Variants in ACAT1 observed in about 807,000 individuals in gnomAD.
The protein encoded by ACAT1 is acetyl-CoA acetyltransferase 1, also known as acetyl-CoA acetyltransferase, mitochondrial.
ACAT1 carries 28 observed loss-of-function variants against 47.3 expected under a neutral mutation model. The ratio of observed to expected loss-of-function variants is 0.59; its 90% CI spans 0.44 to 0.81. The LOEUF is 0.81. ACAT1 is among the 30% of genes least tolerant of loss of function. The pLI is 0.00. For missense variants in ACAT1, 469 were observed against 524.3 expected, an observed-to-expected ratio of 0.89 and a Z score of 1.03; for synonymous variants, 181 against 173.6, an observed-to-expected ratio of 1.04 and a Z score of -0.34.
chr11:108,146,951 A>C (rs1266548953), intron 11 of ACAT1, among the ~76,000 whole-genome samples: 2 of 152,154 alleles, frequency 1.3e-5, no homozygotes, highest in Non-Finnish European at 2.9e-5. Context: ...GTGGTGGTGC[A>C]CGCCTGTAGT....
intron 5 of ACAT1, among the ~76,000 whole-genome samples, chr11:108,137,429 CTTACATTCTAGCCAAAATGAGTCAGA>C (rs1405972364): frequency 6.6e-6 from 1 of 152,130 alleles, no homozygotes; most frequent in African/African-American, 2.4e-5. Flanking sequence ...AATGATCAGA[CTTACATTCTAGCCAAAATGAGTCAGA>C]TGAGTGTTGA....
intron 2 of ACAT1, among the ~76,000 whole-genome samples, chr11:108,132,642 C>T (rs932784064): frequency 5.3e-5 from 8 of 151,010 alleles, no homozygotes; most frequent in African/African-American, 1.9e-4. Flanking sequence ...ATCACGAGGT[C>T]AGGAGATCGA....
intron 8 of ACAT1, among the ~76,000 whole-genome samples, chr11:108,142,175 AAG>A (rs1210708625): frequency 2.0e-5 from 3 of 152,236 alleles, no homozygotes; most frequent in African/African-American, 7.2e-5. Context: ...CCTATGTTTC[AAG>A]AGTTGTAGAC....
Position 108,141,705 on chromosome 11 carries a change from G to A in ACAT1, c.826+5G>A. 6.2e-7 allele frequency: 1 copy of A among 1,605,576 alleles called. No individual in the cohort carries two copies. The highest frequency in any genetic ancestry group is 8.5e-7 in the Non-Finnish European group (1 of 1,172,730). ...CAGTTTTCCAGAAAGAAAATGGTTA[G>A]TGTTAAGAAATGAAGCATAAGAAAA... On this transcript the variant is annotated splice_donor_5th_base_variant and intron_variant, in intron 8 of 11. Coordinates refer to ENST00000265838, the MANE Select transcript of ACAT1 (RefSeq NM_000019.4).
chr11:108,128,407 G>C (rs1047606649), intron 1 of ACAT1, among the ~76,000 whole-genome samples: 1 of 152,134 alleles, frequency 6.6e-6, no homozygotes, highest in East Asian at 1.9e-4. Context: ...CCTGGCCAAC[G>C]TGGTGAAACC....
intron 5 of ACAT1, chr11:108,136,180 G>T (rs886959266): frequency 1.8e-6 from 1 of 570,498 alleles, no homozygotes; most frequent in Non-Finnish European, 3.1e-6. Flanking sequence ...TCATTTTTCA[G>T]ATGAAGATTT....
At chr11:108,136,710 G>T (rs1032539900) in intron 5 of ACAT1, 3 of 152,144 alleles carry the variant, frequency 2.0e-5, no homozygotes, top group African/African-American at 7.2e-5. Flanking sequence ...ATGAAGAATT[G>T]ATACCTTATT....
At chr11:108,120,268 CAGA>C (rs2077125470), upstream of ACAT1, among the ~76,000 whole-genome samples, 1 of 151,834 alleles carries the variant, frequency 6.6e-6, no homozygotes, top group South Asian at 2.1e-4. Context: ...AGGCCAAGGC[CAGA>C]AGATCTCTTA....
chr11:108,118,202 C>T (rs1864987355), upstream of ACAT1, among the ~76,000 whole-genome samples: 1 of 152,002 alleles, frequency 6.6e-6, no homozygotes, highest in South Asian at 2.1e-4. Context: ...ATTGCTTGGG[C>T]CCAGGAGTTG....
chr11:108,132,624 GCA>G (rs1273656972), intron 2 of ACAT1, among the ~76,000 whole-genome samples: 1 of 151,980 alleles, frequency 6.6e-6, no homozygotes, highest in Non-Finnish European at 1.5e-5. Flanking sequence ...GGAGGCCGAG[GCA>G]GGTGGATCAC....
intron 9 of ACAT1, 130 bp downstream of exon 9, chr11:108,142,680 T>G: frequency 2.7e-6 from 2 of 730,636 alleles, no homozygotes; most frequent in East Asian, 5.6e-5. Flanking sequence ...CTACAAAAAG[T>G]TAAAAAATTA....
chr11:108,134,188 A>ATGCCTTT (rs754706020), intron 3 of ACAT1, 33 bp from the exon 4 acceptor site: 4 of 1,548,054 alleles, frequency 2.6e-6, no homozygotes, highest in Non-Finnish European at 3.6e-6. Flanking sequence ...ATTGAATTAA[A>ATGCCTTT]TGCCTTTTTG....
upstream of ACAT1, chr11:108,121,157 C>T: frequency 3.9e-6 from 1 of 253,636 alleles, no homozygotes; most frequent in Non-Finnish European, 7.8e-6. Context: ...GCTGTGGTCA[C>T]GTCACTGCAC....
chr11:108,147,131 A>G lies in ACAT1; in HGVS notation c.1164-139A>G, dbSNP rs1363593735. On this transcript the variant is annotated intron_variant, in intron 11 of 11. Coordinates refer to ENST00000265838, the MANE Select transcript of ACAT1 (RefSeq NM_000019.4). ...TCCTGAAACAAGTCCTCCAAGTTTT[A>G]GTTTTAGAATAGTAGTAGTTAATTC... The G allele has an allele frequency of 6.0e-6, 6 of 992,300 alleles. No individual in the cohort carries two copies. In the African/African-American group the frequency reaches 9.8e-5, roughly 16 times the overall value. The allele number at this position is 992,300 out of a possible 1,614,324, so 61.5% of individuals were successfully genotyped here.
At chr11:108,124,350 GC>G (rs1474523688) in intron 1 of ACAT1, among the ~76,000 whole-genome samples, 37 of 152,230 alleles carry the variant, frequency 2.4e-4, no homozygotes, top group African/African-American at 8.9e-4. Flanking sequence ...TGCAACCTTG[GC>G]CTCCCGGGTT....
intron 10 of ACAT1, among the ~76,000 whole-genome samples, chr11:108,144,652 A>T (rs1322873665): frequency 6.6e-6 from 1 of 151,878 alleles, no homozygotes; most frequent in Non-Finnish European, 1.5e-5. Flanking sequence ...GATAAAAAAA[A>T]TTGCAGAATT....
At chr11:108,144,328 G>A (rs1020918332) in intron 10 of ACAT1, 2 of 434,948 alleles carry the variant, frequency 4.6e-6, no homozygotes, top group Non-Finnish European at 8.3e-6. Flanking sequence ...CACCTGGTGT[G>A]GTAACCACAA....
intron 1 of ACAT1, 139 bp from the exon 2 acceptor site, chr11:108,131,768 T>C: frequency 2.9e-6 from 1 of 343,208 alleles, no homozygotes; most frequent in Admixed American, 4.6e-5. Context: ...TTAAAAGTGA[T>C]ATATTCTGAC....
chr11:108,146,940 TGTG>T (rs1565298401), intron 11 of ACAT1, among the ~76,000 whole-genome samples: 1 of 152,058 alleles, frequency 6.6e-6, no homozygotes, highest in Non-Finnish European at 1.5e-5. Flanking sequence ...ATTAGCTGGG[TGTG>T]GTGGTGCACG....
Sources: gnomAD v4.1 joint callset for allele counts (sites outside exome capture counted in the v4.1 genomes callset) on GRCh38, gnomAD v4.1.1 for gene constraint, MANE v1.5 for transcripts, NCBI Gene and HGNC (gene_info 2026-07-23, HGNC 2026-07-21) for gene names.